FRMD4A: variants seen among roughly 807,000 people sequenced by gnomAD.
The protein encoded by FRMD4A is FERM domain containing 4A.
In FRMD4A, 29 loss-of-function variants were observed where a neutral mutation model predicts 129.1. The ratio of observed to expected loss-of-function variants is 0.22; its 90% CI spans 0.17 to 0.31. The LOEUF (loss-of-function observed/expected upper bound fraction) is 0.31. Among genes scored for constraint, FRMD4A ranks in the 10% least tolerant of loss-of-function variants. The pLI is 1.00. For synonymous variants in FRMD4A, 634 were observed against 571.6 expected (o/e 1.11, Z -1.56); for missense variants, 1,272 against 1,375.8 (o/e 0.92, Z 1.19).
In FRMD4A at chr10:14,330,161, G is replaced by A; in HGVS notation, c.-59C>T. 1 of 1,522,974 alleles carries A rather than the reference G, an allele frequency of 6.6e-7. No individual in the cohort carries two copies. The allele number at this position is 1,522,974 out of a possible 1,614,324, so 94.3% of individuals were successfully genotyped here. ...GAGTCAGTCCTCCTGGGCCCCGGGT[G>A]GCTACAGAGCATCCAAAAGCACCTG... On this transcript the variant is annotated 5_prime_UTR_variant, in exon 2 of 25. Coordinates refer to ENST00000357447, the MANE Select transcript of FRMD4A (RefSeq NM_018027.5).
chr10:14,033,736 G>C (rs1182092639), intron 2 of FRMD4A, among the ~76,000 whole-genome samples: 1 of 151,610 alleles, frequency 6.6e-6, no homozygotes, highest in Admixed American at 6.6e-5. Flanking sequence ...AGTGAGCCGA[G>C]ATCGTGTCAT....
At chr10:14,078,615 T>C (rs1835747880) in intron 2 of FRMD4A, among the ~76,000 whole-genome samples, 1 of 152,204 alleles carries the variant, frequency 6.6e-6, no homozygotes, top group Non-Finnish European at 1.5e-5. Context: ...TTGACATCTG[T>C]TTTCTCATGT....
intron 2 of FRMD4A, among the ~76,000 whole-genome samples, chr10:13,963,364 G>C (rs2095459841): frequency 6.7e-6 from 1 of 149,980 alleles, no homozygotes; most frequent in African/African-American, 2.5e-5. Context: ...TAATATGCAG[G>C]GCATCGCTCT....
chr10:14,150,115 G>A (rs536485414), intron 2 of FRMD4A, among the ~76,000 whole-genome samples: 1 of 152,270 alleles, frequency 6.6e-6, no homozygotes, highest in South Asian at 2.1e-4. Context: ...CATGAGAACA[G>A]AAAGGGGAAA....
intron 2 of FRMD4A, among the ~76,000 whole-genome samples, chr10:13,960,990 T>C (rs2095442875): frequency 1.3e-5 from 2 of 152,240 alleles, no homozygotes; most frequent in South Asian, 4.1e-4. Flanking sequence ...AGATTTCTCT[T>C]GTGTTAAATC....
At chr10:14,098,656 C>T in intron 2 of FRMD4A, among the ~76,000 whole-genome samples, 1 of 152,152 alleles carries the variant, frequency 6.6e-6, no homozygotes, top group Admixed American at 6.5e-5. Context: ...GATCCGCCCG[C>T]CTCGACCTCC....
chr10:13,800,677 T>A (rs906834306), intron 4 of FRMD4A, among the ~76,000 whole-genome samples: 10 of 152,216 alleles, frequency 6.6e-5, no homozygotes, highest in African/African-American at 2.4e-4. Context: ...GGGGTCACCA[T>A]TCACATGTGA....
At chr10:14,157,742 A>G (rs1840674048) in intron 2 of FRMD4A, among the ~76,000 whole-genome samples, 1 of 152,202 alleles carries the variant, frequency 6.6e-6, no homozygotes, top group South Asian at 2.1e-4. Flanking sequence ...TTTCTAACAA[A>G]TGAAAATTTG....
chr10:13,723,563 A>G (rs1007792595), intron 12 of FRMD4A, among the ~76,000 whole-genome samples: 3 of 152,240 alleles, frequency 2.0e-5, no homozygotes, highest in African/African-American at 7.2e-5. Context: ...TGGCCACTGA[A>G]AAATGGTTAT....
At chr10:13,909,138 G>A (rs80061901) in intron 2 of FRMD4A, among the ~76,000 whole-genome samples, 2 of 152,122 alleles carry the variant, frequency 1.3e-5, no homozygotes, top group Admixed American at 1.3e-4. Flanking sequence ...CCTCTGGAAT[G>A]TAAGCCCTTT....
intron 6 of FRMD4A, among the ~76,000 whole-genome samples, chr10:13,780,847 G>A (rs766323842): frequency 6.6e-6 from 1 of 152,142 alleles, no homozygotes; most frequent in Non-Finnish European, 1.5e-5. Context: ...TATATACCCT[G>A]AACAACTGGG....
At chr10:13,922,031 A>G (rs2095078907) in intron 2 of FRMD4A, among the ~76,000 whole-genome samples, 1 of 152,172 alleles carries the variant, frequency 6.6e-6, no homozygotes, top group African/African-American at 2.4e-5. Flanking sequence ...AGCCCTTAGA[A>G]GAGGAAGAAG....
In FRMD4A at chr10:13,896,902, G is replaced by C. The variant is rs368895039; in HGVS notation, c.46-37990C>G. Among the ~76,000 whole-genome samples, 3 of 152,292 alleles carry C rather than the reference G, an allele frequency of 2.0e-5. No homozygotes were observed. The South Asian group carries it at 6.2e-4, about 32-fold the overall frequency. ...GATTCTACCACTGAGAATTCAGTCAGCTACTTGCAAAGGTTTAATCCGTTT... is the reference window on the plus strand; with the variant it reads ...GATTCTACCACTGAGAATTCAGTCACCTACTTGCAAAGGTTTAATCCGTTT... On this transcript the variant is annotated intron_variant, in intron 2 of 24. Transcript: ENST00000357447.
At chr10:13,714,037 T>A (rs371816518) in intron 12 of FRMD4A, among the ~76,000 whole-genome samples, 1 of 992 alleles carries the variant, frequency 1.0e-3, no homozygotes, top group Non-Finnish European at 1.9e-3. Context: ...CATATATATA[T>A]ATATATATAT....
chr10:13,746,795 A>C lies in FRMD4A; in HGVS notation c.548+941T>G, dbSNP rs561453125. Among the ~76,000 whole-genome samples, 11 of 152,364 alleles carry C rather than the reference A, an allele frequency of 7.2e-5. No homozygotes were observed. In the East Asian group the frequency reaches 1.5e-3, roughly 21 times the overall value. On this transcript the variant is annotated intron_variant, in intron 9 of 24. Transcript: ENST00000357447. The stretch of plus-strand genomic sequence containing the variant: ...TTACAGTTATTAAAGGTCAGTGGCC[A>C]GGGCTTAGGAACCCAGTAGGATTTC...
In FRMD4A at chr10:14,322,948, G is replaced by A. The variant is rs74479146; in HGVS notation, c.45+7110C>T. ...CTGCCCCATCATGTGTAAAATGCAC[G>A]CATTTTGCCTTTGCCAGAGAGAACA... On this transcript the variant is annotated intron_variant, in intron 2 of 24. Coordinates refer to ENST00000357447, the MANE Select transcript of FRMD4A (RefSeq NM_018027.5). Among the ~76,000 whole-genome samples, 1,147 of 152,268 alleles carry A rather than the reference G, an allele frequency of 7.5e-3. 30 individuals are homozygous for A. Among genetic ancestry groups the A allele is most frequent in the East Asian group, 0.049 (252 of 5,188 alleles).
chr10:13,975,633 G>A (rs1308723514), intron 2 of FRMD4A, among the ~76,000 whole-genome samples: 1 of 151,774 alleles, frequency 6.6e-6, no homozygotes, highest in Non-Finnish European at 1.5e-5. Context: ...GTCTATCCAT[G>A]TGTGTGTGAA....
intron 2 of FRMD4A, among the ~76,000 whole-genome samples, chr10:13,920,275 G>T (rs1299809732): frequency 6.6e-6 from 1 of 152,126 alleles, no homozygotes; most frequent in African/African-American, 2.4e-5. Context: ...CAGAACTTTG[G>T]AGCTACTGAC....
chr10:14,024,677 C>T (rs760886115), intron 2 of FRMD4A, among the ~76,000 whole-genome samples: 2 of 152,164 alleles, frequency 1.3e-5, no homozygotes, highest in African/African-American at 2.4e-5. Context: ...GGGCATAAAG[C>T]GAGGCCACCA....
Sources: allele counts gnomAD v4.1 joint callset (sites outside exome capture counted in the v4.1 genomes callset), GRCh38; gene constraint gnomAD v4.1.1; transcripts MANE v1.5; gene names NCBI Gene and HGNC (gene_info 2026-07-23, HGNC 2026-07-21).